Variants in SVOPL observed in about 807,000 individuals in gnomAD.
The protein encoded by SVOPL is putative transporter SVOPL.
SVOPL carries 60 observed loss-of-function variants against 61.0 expected under a neutral mutation model. The ratio of observed to expected loss-of-function variants is 0.98; its 90% CI spans 0.80 to 1.22. SVOPL has a LOEUF of 1.22. Ranked by LOEUF, SVOPL falls within the 50% of genes most tolerant of loss-of-function variation. The probability of loss-of-function intolerance (pLI) is 0.00; values close to 1 mark genes in which losing one functional copy is unlikely to be tolerated. For synonymous variants in SVOPL, 279 were observed against 250.0 expected, an observed-to-expected ratio of 1.12 and a Z score of -1.09; for missense variants, 662 against 643.9, an observed-to-expected ratio of 1.03 and a Z score of -0.30.
At chr7:138,659,268 GATTACCT>G (rs1332450818) in intron 6 of SVOPL, among the ~76,000 whole-genome samples, 52 of 152,230 alleles carry the variant, frequency 3.4e-4, no homozygotes, top group South Asian at 2.9e-3. Context: ...AAGGCGGGTG[GATTACCT>G]GAGGTCAAGA....
In SVOPL at chr7:138,668,918, C is replaced by T. The variant is rs117022859; in HGVS notation, c.273+3101G>A. 1.5e-3 allele frequency among the ~76,000 whole-genome samples: 235 copies of T among 152,324 alleles called. 4 individuals carry two copies. In the East Asian group the frequency reaches 0.037, roughly 24 times the overall value. The stretch of plus-strand genomic sequence containing the variant: ...TGCCATCCTCCACCCATCAGTCTAC[C>T]TACCTCCCAGACACTCTCTTTAGTG... On this transcript the variant is annotated intron_variant, in intron 4 of 15. Coordinates refer to ENST00000674285, the MANE Select transcript of SVOPL (RefSeq NM_001139456.2).
chr7:138,631,167 G>A (rs1326663430), intron 9 of SVOPL, among the ~76,000 whole-genome samples: 1 of 152,210 alleles, frequency 6.6e-6, no homozygotes, highest in East Asian at 1.9e-4. Context: ...GAGTTTGAAG[G>A]GAACTTAGAG....
At chr7:138,694,082 C>A (rs571521696) in intron 1 of SVOPL, among the ~76,000 whole-genome samples, 1 of 152,340 alleles carries the variant, frequency 6.6e-6, no homozygotes, top group East Asian at 1.9e-4. Context: ...GGCACTCGAA[C>A]TATTGGCAGA....
intron 10 of SVOPL, among the ~76,000 whole-genome samples, chr7:138,629,397 A>AT (rs1258651478): frequency 1.6e-4 from 25 of 151,674 alleles, no homozygotes; most frequent in African/African-American, 5.3e-4. Flanking sequence ...TGCCCAGCTA[A>AT]TTTTTTTGTA....
At chr7:138,642,548 T>C (rs537855477) in intron 9 of SVOPL, among the ~76,000 whole-genome samples, 1 of 152,060 alleles carries the variant, frequency 6.6e-6, no homozygotes, top group Admixed American at 6.6e-5. Context: ...TAACCAAGGC[T>C]GGGCACGGTG....
chr7:138,695,308 T>C (rs972669276), intron 1 of SVOPL, among the ~76,000 whole-genome samples: 1 of 152,106 alleles, frequency 6.6e-6, no homozygotes, highest in Admixed American at 6.5e-5. Context: ...GCCTAGGGGT[T>C]CAAGACTAGC....
chr7:138,684,507 G>A (rs2117130173), intron 1 of SVOPL, among the ~76,000 whole-genome samples: 1 of 152,310 alleles, frequency 6.6e-6, no homozygotes, highest in East Asian at 1.9e-4. Flanking sequence ...AATGGCCAAT[G>A]AAAAGGTGCA....
Position 138,622,102 on chromosome 7 carries a change from C to CTATGTATT in SVOPL, c.1264-968_1264-967insAATACATA, listed in dbSNP as rs1563096236. Among the ~76,000 whole-genome samples, 2 of 40,914 alleles carry CTATGTATT rather than the reference C, an allele frequency of 4.9e-5. 1 individual carries two copies. Among genetic ancestry groups the CTATGTATT allele is most frequent in the African/African-American group, 1.8e-4 (2 of 11,202 alleles). The allele number at this position is 40,914 out of a possible 152,430, so 26.8% of individuals were successfully genotyped here. On this transcript the variant is annotated intron_variant, in intron 13 of 15. Coordinates refer to ENST00000674285, the MANE Select transcript of SVOPL (RefSeq NM_001139456.2). ...TCTATCTATCTATGTATCTATCTATCTATCTATCTATCTATCTATGTATCT... is the reference window on the plus strand; with the variant it reads ...TCTATCTATCTATGTATCTATCTATCTATGTATTTATCTATCTATCTATCTATGTATCT...
In SVOPL at chr7:138,660,136, T is replaced by C. The variant is rs1293177532; in HGVS notation, c.346-148A>G. 4.2e-6 allele frequency: 6 copies of C among 1,444,500 alleles called. No homozygotes were observed. In the African/African-American group the frequency reaches 7.2e-5, roughly 17 times the overall value. 89.5% of individuals were successfully genotyped at this position (1,444,500 alleles called of 1,614,324 possible). A position where few individuals can be genotyped will look rare whatever the true frequency, so the allele number is the denominator to read the frequency against. ...TAGCAAGCCCACTGGTCTTTCACAA[T>C]CATCCAACAATACAATCCATGCCAT... is the stretch of plus-strand genomic sequence containing the variant. On this transcript the variant is annotated intron_variant, in intron 5 of 15. Transcript: ENST00000674285.
At position 138,653,655 on chromosome 7, in the gene SVOPL, G is replaced by T. The variant is rs377058569; in HGVS notation, c.534+2793C>A. On this transcript the variant is annotated intron_variant, in intron 7 of 15. Coordinates refer to ENST00000674285, the MANE Select transcript of SVOPL (RefSeq NM_001139456.2). The stretch of plus-strand genomic sequence containing the variant: ...CATCTCAACTAAAGAAAAAATACAG[G>T]GCCGGGCATGGCGGCTCAGCCTGTA... Among the ~76,000 whole-genome samples, 63 of 152,046 alleles carry T rather than the reference G, an allele frequency of 4.1e-4. 1 individual carries two copies. The South Asian group carries it at 6.2e-3, about 15-fold the overall frequency.
chr7:138,661,424 G>A (rs1405827355), intron 5 of SVOPL: 2 of 984,326 alleles, frequency 2.0e-6, no homozygotes, highest in Non-Finnish European at 1.2e-6. Flanking sequence ...ACAGTCTGAG[G>A]AATGTGAGGT....
intron 4 of SVOPL, among the ~76,000 whole-genome samples, chr7:138,670,307 T>C (rs973963619): frequency 6.6e-6 from 1 of 152,156 alleles, no homozygotes; most frequent in African/African-American, 2.4e-5. Context: ...CTGAATTCTG[T>C]TAAGATATAG....
chr7:138,641,338 T>G (rs749207245), intron 9 of SVOPL, among the ~76,000 whole-genome samples: 26 of 150,954 alleles, frequency 1.7e-4, no homozygotes, highest in Non-Finnish European at 3.2e-4. Flanking sequence ...ATAAGACTAA[T>G]GCATGGACAA....
intron 3 of SVOPL, among the ~76,000 whole-genome samples, chr7:138,672,656 T>TTAAAAAAAAAAAAAA (rs35924408): frequency 2.5e-5 from 3 of 118,858 alleles, no homozygotes; most frequent in African/African-American, 6.7e-5. Context: ...TTTTTGTGTT[T>TTAAAAAAAAAAAAAA]AAAAAAAAAA....
chr7:138,617,447 TAAGTG>T (rs982549701), intron 14 of SVOPL, among the ~76,000 whole-genome samples: 8 of 152,056 alleles, frequency 5.3e-5, no homozygotes, highest in African/African-American at 1.9e-4. Context: ...GAGGAAGAAT[TAAGTG>T]AAAGGAAGAA....
chr7:138,687,594 G>T (rs1470155771), intron 1 of SVOPL, among the ~76,000 whole-genome samples: 2 of 150,166 alleles, frequency 1.3e-5, no homozygotes, highest in East Asian at 1.9e-4. Context: ...TTACTCTCTT[G>T]CCCAGGCTGG....
chr7:138,605,862 C>A (rs911991133), intron 14 of SVOPL, among the ~76,000 whole-genome samples: 19 of 152,192 alleles, frequency 1.2e-4, no homozygotes, highest in African/African-American at 3.4e-4. Flanking sequence ...GCTCTCCCTC[C>A]CCACTCCAGC....
rs767777274 is a variant in SVOPL at position 138,621,160 on chromosome 7, C to T, written c.1264-25G>A. 5.0e-6 allele frequency: 8 copies of T among 1,603,892 alleles called. No individual in the cohort carries two copies. In the Admixed American group the frequency reaches 1.4e-4, roughly 27 times the overall value. ...CCTGCAGGGAGAGGCACGGAAAGTA[C>T]CAGTCAGATAATGTCCGTCCTTCCC... On this transcript the variant is annotated intron_variant, in intron 13 of 15. Coordinates refer to ENST00000674285, the MANE Select transcript of SVOPL (RefSeq NM_001139456.2).
rs1414389906 is a variant in SVOPL at position 138,701,241 on chromosome 7, G to C, written c.-98C>G. 2 of 152,138 alleles carry C rather than the reference G, an allele frequency of 1.3e-5. No individual in the cohort carries two copies. The highest frequency in any genetic ancestry group is 2.9e-5 in the Non-Finnish European group (2 of 68,048). The allele number at this position is 152,138 out of a possible 1,614,324, so 9.4% of individuals were successfully genotyped here. A position where few individuals can be genotyped will look rare whatever the true frequency, so the allele number is the denominator to read the frequency against. The stretch of plus-strand genomic sequence containing the variant: ...CTTTTGCTCCCCTCACCGTGGCCAA[G>C]TCTTAGACGGAAATTGGAGCACAGA... On this transcript the variant is annotated 5_prime_UTR_variant, in exon 1 of 16. Coordinates refer to ENST00000674285, the MANE Select transcript of SVOPL (RefSeq NM_001139456.2).
Sources: allele counts gnomAD v4.1 joint callset (sites outside exome capture counted in the v4.1 genomes callset), GRCh38; gene constraint gnomAD v4.1.1; transcripts MANE v1.5; gene names NCBI Gene and HGNC (gene_info 2026-07-23, HGNC 2026-07-21).